NXPE4: variants seen among roughly 807,000 people sequenced by gnomAD.
The protein encoded by NXPE4 is NXPE family member 4.
In NXPE4, 42 loss-of-function variants were observed where a neutral mutation model predicts 33.3. The ratio of observed to expected loss-of-function variants is 1.26; its 90% CI spans 0.98 to 1.63. The LOEUF (loss-of-function observed/expected upper bound fraction) is 1.63, where lower values mean the gene tolerates loss of function less well. Among genes scored for constraint, NXPE4 ranks in the 40% most tolerant of loss-of-function variants. The pLI is 0.00. For synonymous variants in NXPE4, 253 were observed against 234.9 expected (o/e 1.08, Z -0.71); for missense variants, 709 against 647.6 (o/e 1.09, Z -1.03).
At chr11:114,601,134 T>C in the NXPE4 span, among the ~76,000 whole-genome samples, 2 of 151,838 alleles carry the variant, frequency 1.3e-5, no homozygotes, top group Admixed American at 6.6e-5. Flanking sequence ...AAGTGATTTT[T>C]GGTTATGTGG....
chr11:114,612,143 G>T, the NXPE4 span, among the ~76,000 whole-genome samples: 1 of 151,996 alleles, frequency 6.6e-6, no homozygotes, highest in Non-Finnish European at 1.5e-5. Context: ...TGCCTCGTGG[G>T]TAACCACAGT....
chr11:114,625,476 A>G, the NXPE4 span, among the ~76,000 whole-genome samples: 1 of 152,118 alleles, frequency 6.6e-6, no homozygotes, highest in Non-Finnish European at 1.5e-5. Flanking sequence ...CACCCGGTGG[A>G]TAATATGTAT....
the NXPE4 span, among the ~76,000 whole-genome samples, chr11:114,605,969 G>A: frequency 6.6e-6 from 1 of 151,796 alleles, no homozygotes; most frequent in East Asian, 1.9e-4. Flanking sequence ...GTTGCCTCGT[G>A]GGTAACCATT....
the NXPE4 span, among the ~76,000 whole-genome samples, chr11:114,666,427 A>T: frequency 2.0e-5 from 3 of 152,172 alleles, no homozygotes; most frequent in African/African-American, 7.2e-5. Flanking sequence ...AATCAATTCA[A>T]TTTGATTATT....
chr11:114,612,995 A>G, the NXPE4 span, among the ~76,000 whole-genome samples: 5 of 150,996 alleles, frequency 3.3e-5, no homozygotes, highest in African/African-American at 9.7e-5. Context: ...CTGTTACCCA[A>G]TGGATAATTA....
chr11:114,628,068 A>T, the NXPE4 span, among the ~76,000 whole-genome samples: 1 of 149,756 alleles, frequency 6.7e-6, no homozygotes, highest in Non-Finnish European at 1.5e-5. Context: ...CACGTTAATA[A>T]TGGGAGACTT....
At chr11:114,617,894 A>G in the NXPE4 span, among the ~76,000 whole-genome samples, 129 of 151,880 alleles carry the variant, frequency 8.5e-4, no homozygotes, top group Non-Finnish European at 1.3e-3. Flanking sequence ...CTGGCGGATA[A>G]TAAGTATTGC....
At chr11:114,639,103 G>A in the NXPE4 span, among the ~76,000 whole-genome samples, 20 of 152,076 alleles carry the variant, frequency 1.3e-4, no homozygotes, top group African/African-American at 4.8e-4. Context: ...CCCTCCTTGA[G>A]CTGTGGTGGG....
At chr11:114,644,435 A>G in the NXPE4 span, among the ~76,000 whole-genome samples, 2 of 152,316 alleles carry the variant, frequency 1.3e-5, no homozygotes, top group Admixed American at 1.3e-4. Flanking sequence ...GTCCATCAAT[A>G]CCTAGTTTAT....
chr11:114,606,197 G>A, the NXPE4 span, among the ~76,000 whole-genome samples: 17 of 151,480 alleles, frequency 1.1e-4, no homozygotes, highest in East Asian at 2.2e-3. Flanking sequence ...ACAGTTACCC[G>A]GTGGATAATA....
At chr11:114,638,118 G>T in the NXPE4 span, among the ~76,000 whole-genome samples, 3 of 150,614 alleles carry the variant, frequency 2.0e-5, no homozygotes, top group Non-Finnish European at 3.0e-5. Flanking sequence ...ATGTAGATTT[G>T]GTCTTGTCAC....
At chr11:114,602,881 CATA>C in the NXPE4 span, among the ~76,000 whole-genome samples, 1 of 146,714 alleles carries the variant, frequency 6.8e-6, no homozygotes, top group Non-Finnish European at 1.5e-5. Flanking sequence ...ATTATAGAAA[CATA>C]ATTATCTAAT....
chr11:114,638,443 C>G, the NXPE4 span, among the ~76,000 whole-genome samples: 1 of 151,990 alleles, frequency 6.6e-6, no homozygotes, highest in Non-Finnish European at 1.5e-5. Context: ...GTTTGATTGT[C>G]TGAAGCCTTC....
the NXPE4 span, among the ~76,000 whole-genome samples, chr11:114,638,765 T>G: frequency 6.6e-6 from 1 of 151,990 alleles, no homozygotes; most frequent in African/African-American, 2.4e-5. Flanking sequence ...AGCAGCAGTG[T>G]CTGCAGAACA....
At chr11:114,593,987 T>A (rs188466797) in intron 2 of NXPE4, among the ~76,000 whole-genome samples, 1 of 151,952 alleles carries the variant, frequency 6.6e-6, no homozygotes, top group African/African-American at 2.4e-5. Context: ...ATTGAAGTCA[T>A]GGAGTTAGAG....
chr11:114,637,891 T>G, the NXPE4 span, among the ~76,000 whole-genome samples: 2 of 152,046 alleles, frequency 1.3e-5, no homozygotes, highest in Non-Finnish European at 2.9e-5. Flanking sequence ...CTGGCTGCCC[T>G]TAACATTTTT....
chr11:114,616,193 G>A, the NXPE4 span, among the ~76,000 whole-genome samples: 2 of 151,480 alleles, frequency 1.3e-5, no homozygotes, highest in Non-Finnish European at 2.9e-5. Context: ...AATGTCTCAT[G>A]AGTAACTGCT....
intron 2 of NXPE4, among the ~76,000 whole-genome samples, chr11:114,594,029 G>T (rs539804122): frequency 6.6e-6 from 1 of 152,084 alleles, no homozygotes; most frequent in East Asian, 1.9e-4. Flanking sequence ...GGCTGGGAAG[G>T]GTGGTGGGGG....
the NXPE4 span, among the ~76,000 whole-genome samples, chr11:114,614,635 A>G: frequency 6.6e-6 from 1 of 151,296 alleles, no homozygotes; most frequent in East Asian, 2.0e-4. Flanking sequence ...GGTGGATTAT[A>G]AGTATTGCCT....
Sources: allele counts gnomAD v4.1 joint callset (sites outside exome capture counted in the v4.1 genomes callset), GRCh38; gene constraint gnomAD v4.1.1; transcripts MANE v1.5; gene names NCBI Gene and HGNC (gene_info 2026-07-23, HGNC 2026-07-21).